Variants in CEP112 observed in about 807,000 individuals in gnomAD.
CEP112 encodes the protein centrosomal protein 112, also known as centrosomal protein of 112 kDa.
Under a neutral mutation model 153.0 loss-of-function variants are expected in CEP112, and 127 were observed. The observed-to-expected ratio is 0.83, with a 90% CI of 0.72 to 0.96. The LOEUF is 0.96. Among genes scored for constraint, CEP112 ranks in the 40% least tolerant of loss-of-function variants. CEP112 has a pLI of 0.00. For missense variants in CEP112, 1,089 were observed against 1,101.2 expected, an observed-to-expected ratio of 0.99 and a Z score of 0.16; for synonymous variants, 358 against 374.4, an observed-to-expected ratio of 0.96 and a Z score of 0.51.
chr17:65,950,631 A>AT (rs2061792266), intron 18 of CEP112, among the ~76,000 whole-genome samples: 1 of 151,722 alleles, frequency 6.6e-6, no homozygotes, highest in Admixed American at 6.6e-5. Context: ...ATTTTGTGGG[A>AT]TTTTCACTAT....
At chr17:65,902,078 T>A (rs2059886225) in intron 20 of CEP112, 74 bp downstream of exon 20, 1 of 978,200 alleles carries the variant, frequency 1.0e-6, no homozygotes, top group Admixed American at 2.8e-5. Context: ...TCAATAAGAA[T>A]AATAAGAAAA....
intron 21 of CEP112, among the ~76,000 whole-genome samples, chr17:65,830,663 C>T (rs977991303): frequency 1.3e-5 from 2 of 152,146 alleles, no homozygotes; most frequent in African/African-American, 2.4e-5. Context: ...TGGGAAGGCT[C>T]GAATTCCTGG....
intron 23 of CEP112, among the ~76,000 whole-genome samples, chr17:65,705,493 T>A (rs1411857521): frequency 1.3e-5 from 2 of 152,362 alleles, no homozygotes; most frequent in East Asian, 1.9e-4. Context: ...TTTACGGCAC[T>A]TACATTATCA....
intron 6 of CEP112, among the ~76,000 whole-genome samples, chr17:66,121,844 T>TG (rs1449624212): frequency 2.2e-4 from 34 of 152,204 alleles, no homozygotes; most frequent in African/African-American, 7.0e-4. Flanking sequence ...AATCTCTTTA[T>TG]GATATTCTGT....
intron 4 of CEP112, among the ~76,000 whole-genome samples, chr17:66,174,322 C>A (rs1210784810): frequency 6.6e-6 from 1 of 152,138 alleles, no homozygotes; most frequent in Non-Finnish European, 1.5e-5. Context: ...AATAACATTT[C>A]TATATCTGTT....
intron 8 of CEP112, among the ~76,000 whole-genome samples, chr17:66,094,003 G>A (rs1432578769): frequency 6.6e-6 from 1 of 151,974 alleles, no homozygotes; most frequent in East Asian, 1.9e-4. Context: ...ACAGAACAGG[G>A]AACCCAGAAA....
intron 20 of CEP112, among the ~76,000 whole-genome samples, chr17:65,879,255 T>C (rs761754734): frequency 2.0e-4 from 30 of 152,216 alleles, no homozygotes; most frequent in Middle Eastern, 3.4e-3. Flanking sequence ...AAAGAAGGCA[T>C]TGTGACAATG....
chr17:65,723,905 C>T (rs530232299), intron 23 of CEP112, among the ~76,000 whole-genome samples: 2 of 152,166 alleles, frequency 1.3e-5, no homozygotes, highest in Non-Finnish European at 2.9e-5. Context: ...TCATCTGTTA[C>T]TCTGAAATAT....
chr17:66,022,381 T>G (rs1248575487), intron 16 of CEP112, among the ~76,000 whole-genome samples: 2 of 152,168 alleles, frequency 1.3e-5, no homozygotes, highest in African/African-American at 4.8e-5. Context: ...AGTAATTTTC[T>G]AGCAATGGAT....
At chr17:66,067,105 A>T (rs973721285) in intron 9 of CEP112, among the ~76,000 whole-genome samples, 2 of 151,782 alleles carry the variant, frequency 1.3e-5, no homozygotes, top group Non-Finnish European at 2.9e-5. Flanking sequence ...TTTCAGTTAG[A>T]TGCGTGTGTT....
chr17:65,803,455 T>G (rs1028860821), intron 21 of CEP112, among the ~76,000 whole-genome samples: 1 of 152,246 alleles, frequency 6.6e-6, no homozygotes, highest in African/African-American at 2.4e-5. Flanking sequence ...TGGAAAATAG[T>G]TTTAAATATG....
chr17:66,095,420 G>A (rs2068301735), intron 8 of CEP112, among the ~76,000 whole-genome samples: 1 of 152,072 alleles, frequency 6.6e-6, no homozygotes, highest in African/African-American at 2.4e-5. Flanking sequence ...GCCAGGCACA[G>A]AAAGGCAAAT....
intron 23 of CEP112, among the ~76,000 whole-genome samples, chr17:65,706,939 C>T (rs2048946420): frequency 6.6e-6 from 1 of 152,168 alleles, no homozygotes. Flanking sequence ...TCACATTATC[C>T]AAGGCAAAAA....
intron 21 of CEP112, among the ~76,000 whole-genome samples, chr17:65,754,426 T>C (rs1339134386): frequency 2.6e-5 from 4 of 152,140 alleles, no homozygotes; most frequent in Non-Finnish European, 5.9e-5. Flanking sequence ...CTGGCCAAAA[T>C]GGTGAAACCC....
chr17:65,897,247 T>G (rs1012387276), intron 20 of CEP112, among the ~76,000 whole-genome samples: 1 of 152,046 alleles, frequency 6.6e-6, no homozygotes, highest in African/African-American at 2.4e-5. Flanking sequence ...TCCAGTTTGA[T>G]CCAAAGAAAC....
intron 21 of CEP112, among the ~76,000 whole-genome samples, chr17:65,838,763 A>G (rs1301188711): frequency 6.6e-6 from 1 of 152,082 alleles, no homozygotes; most frequent in Non-Finnish European, 1.5e-5. Flanking sequence ...AGACTAAATA[A>G]GAAAAAAAAG....
At chr17:66,174,364 A>G (rs1350074487) in intron 4 of CEP112, among the ~76,000 whole-genome samples, 1 of 152,236 alleles carries the variant, frequency 6.6e-6, no homozygotes, top group African/African-American at 2.4e-5. Context: ...TATAGTGGAC[A>G]AGAAAGATTA....
At chr17:65,721,200 C>T (rs1260637621) in intron 23 of CEP112, among the ~76,000 whole-genome samples, 3 of 151,922 alleles carry the variant, frequency 2.0e-5, no homozygotes, top group East Asian at 1.9e-4. Context: ...TTAGTAGAGA[C>T]GGGGTCTCAC....
At chr17:65,647,645 T>C (rs1288011303) in intron 24 of CEP112, among the ~76,000 whole-genome samples, 1 of 16,728 alleles carries the variant, frequency 6.0e-5, no homozygotes, top group Non-Finnish European at 8.4e-5. Context: ...CCCAGCTAAT[T>C]TTTTTTTTTT....
Sources: allele counts gnomAD v4.1 joint callset (sites outside exome capture counted in the v4.1 genomes callset), GRCh38; gene constraint gnomAD v4.1.1; transcripts MANE v1.5; gene names NCBI Gene and HGNC (gene_info 2026-07-23, HGNC 2026-07-21).